RALGPS1: variants seen among roughly 807,000 people sequenced by gnomAD.
RALGPS1 encodes the protein ras-specific guanine nucleotide-releasing factor RalGPS1.
Under a neutral mutation model 78.8 loss-of-function variants are expected in RALGPS1, and 19 were observed. The observed-to-expected ratio is 0.24, with a 90% CI of 0.17 to 0.35. The LOEUF (loss-of-function observed/expected upper bound fraction) is 0.35, where lower values mean the gene tolerates loss of function less well. Among genes scored for constraint, RALGPS1 ranks in the 10% least tolerant of loss-of-function variants. The pLI, the probability that RALGPS1 is intolerant of heterozygous loss-of-function variation, is 1.00. For missense variants in RALGPS1, 454 were observed against 688.3 expected (o/e 0.66, Z 3.81); for synonymous variants, 228 against 256.3 (o/e 0.89, Z 1.06).
intron 8 of RALGPS1, among the ~76,000 whole-genome samples, chr9:127,082,952 G>C (rs1292427960): frequency 6.6e-6 from 1 of 152,132 alleles, no homozygotes; most frequent in African/African-American, 2.4e-5. Context: ...GGCCCATCTG[G>C]GCACAGCCAG....
At position 127,133,645 on chromosome 9, in the gene RALGPS1, C is replaced by T. The variant is rs555325065; in HGVS notation, c.611-32424C>T. On this transcript the variant is annotated intron_variant, in intron 8 of 18. Transcript: ENST00000259351. ...CAGCCCCAGGTTTGGCCCTCCTTCC[C>T]GGCATTGTCAGAGAAGCTTCCAACA... Among the ~76,000 whole-genome samples, 7 of 152,310 alleles carry T rather than the reference C, an allele frequency of 4.6e-5. No individual in the cohort carries two copies. The South Asian group carries it at 6.2e-4, about 14-fold the overall frequency.
At chr9:127,110,335 C>T (rs1319648836) in intron 8 of RALGPS1, among the ~76,000 whole-genome samples, 1 of 152,192 alleles carries the variant, frequency 6.6e-6, no homozygotes, top group African/African-American at 2.4e-5. Context: ...CCTTCCTTTC[C>T]AGAGCGCCAC....
At chr9:126,944,566 A>G (rs1443863871) in intron 1 of RALGPS1, among the ~76,000 whole-genome samples, 2 of 95,668 alleles carry the variant, frequency 2.1e-5, no homozygotes, top group African/African-American at 8.3e-5. Flanking sequence ...AAGGGAGACT[A>G]TGGGGAGGGA....
intron 8 of RALGPS1, among the ~76,000 whole-genome samples, chr9:127,140,814 A>G (rs573111274): frequency 6.6e-5 from 10 of 152,352 alleles, no homozygotes; most frequent in African/African-American, 2.2e-4. Context: ...CCACGCTGGA[A>G]GAGACTTGGG....
rs1588630091 is a variant in RALGPS1, at chr9:127,219,748, C to A, written c.*979C>A. 1 of 152,742 alleles carries A rather than the reference C, an allele frequency of 6.5e-6. No homozygotes were observed. Among genetic ancestry groups the A allele is most frequent in the African/African-American group, 2.4e-5 (1 of 41,472 alleles). The allele number at this position is 152,742 out of a possible 1,614,324, so 9.5% of individuals were successfully genotyped here. ...AGGAGCCATGAGGCACCAACCTCTC[C>A]CCGCAGGGCAAAGCCTGTGCCCCCA... On this transcript the variant is annotated 3_prime_UTR_variant, in exon 19 of 19. Coordinates refer to ENST00000259351, the MANE Select transcript of RALGPS1 (RefSeq NM_014636.3). This position sits in a 1 kb window ranked among gnomAD's most constrained non-coding sequence, Gnocchi z 5.0.
Position 127,223,007 on chromosome 9 carries a change from G to T in RALGPS1, c.*4238G>T, listed in dbSNP as rs558236249. The T allele has an allele frequency of 1.3e-5, 2 of 152,374 alleles. No individual in the cohort carries two copies. The highest frequency in any genetic ancestry group is 2.9e-5 in the Non-Finnish European group (2 of 67,994). 9.4% of individuals were successfully genotyped at this position (152,374 alleles called of 1,614,324 possible). ...CTGAACGTCAATCAGCCCTCCATGGGGTTCTTTCGATTTTTGGTGAAGTAT... is the reference window on the plus strand; with the variant it reads ...CTGAACGTCAATCAGCCCTCCATGGTGTTCTTTCGATTTTTGGTGAAGTAT... On this transcript the variant is annotated 3_prime_UTR_variant, in exon 19 of 19. Transcript: ENST00000259351.
intron 17 of RALGPS1, among the ~76,000 whole-genome samples, chr9:127,214,412 A>G (rs758443640): frequency 2.6e-5 from 4 of 152,224 alleles, no homozygotes; most frequent in Non-Finnish European, 4.4e-5. Context: ...AGAAGCACCT[A>G]TAGAATTATA....
intron 14 of RALGPS1, among the ~76,000 whole-genome samples, chr9:127,206,491 A>G (rs767714141): frequency 5.9e-5 from 9 of 152,066 alleles, no homozygotes. Context: ...AAACCATCAG[A>G]TCTTGTGAGA....
chr9:127,209,342 CTG>C (rs934720919), intron 14 of RALGPS1, among the ~76,000 whole-genome samples: 7 of 152,340 alleles, frequency 4.6e-5, no homozygotes, highest in African/African-American at 1.7e-4. Flanking sequence ...AAGTTGGTGA[CTG>C]TTTGACTTGT....
intron 8 of RALGPS1, among the ~76,000 whole-genome samples, chr9:127,103,353 T>C (rs1225672088): frequency 6.6e-6 from 1 of 152,208 alleles, no homozygotes; most frequent in African/African-American, 2.4e-5. Context: ...GCTAGCACTC[T>C]TGTCAGTGAA....
At chr9:127,196,755 C>CGT (rs2061369628) in intron 13 of RALGPS1, 124 bp downstream of exon 13, 3 of 1,175,644 alleles carry the variant, frequency 2.6e-6, no homozygotes. Flanking sequence ...CCCAGTGGCC[C>CGT]CTCACCTCCC....
intron 8 of RALGPS1, among the ~76,000 whole-genome samples, chr9:127,087,088 G>A (rs1377065462): frequency 2.0e-5 from 3 of 152,190 alleles, no homozygotes; most frequent in African/African-American, 7.2e-5. Flanking sequence ...TGAGGTGCTT[G>A]GAGGATATCT....
chr9:127,133,530 G>T (rs2057163997), intron 8 of RALGPS1, among the ~76,000 whole-genome samples: 1 of 152,174 alleles, frequency 6.6e-6, no homozygotes, highest in African/African-American at 2.4e-5. Context: ...CTGTGGGTGG[G>T]GTGGACCCAG....
chr9:127,027,955 T>TC (rs1054669883), intron 4 of RALGPS1, among the ~76,000 whole-genome samples: 10 of 152,284 alleles, frequency 6.6e-5, no homozygotes, highest in Admixed American at 2.6e-4. Flanking sequence ...AGCATGTAAG[T>TC]CCCCTAGCCC....
intron 11 of RALGPS1, chr9:127,177,930 C>A (rs1488352645): frequency 1.9e-6 from 3 of 1,548,960 alleles, no homozygotes; most frequent in Non-Finnish European, 2.6e-6. Flanking sequence ...AGCCAGCCAA[C>A]CTCCAGCATC....
chr9:127,169,599 T>C, intron 10 of RALGPS1, among the ~76,000 whole-genome samples: 1 of 152,176 alleles, frequency 6.6e-6, no homozygotes, highest in East Asian at 1.9e-4. Flanking sequence ...CATCTTGTAA[T>C]CAATCATTTA....
At chr9:127,210,864 C>T (rs878868478) in intron 14 of RALGPS1, 31 of 1,188,756 alleles carry the variant, frequency 2.6e-5, no homozygotes, top group South Asian at 1.4e-4. Flanking sequence ...TAGAGGCTGC[C>T]GAAAGAAACA....
At chr9:127,108,426 CT>C (rs756498211) in intron 8 of RALGPS1, 12 of 1,608,284 alleles carry the variant, frequency 7.5e-6, no homozygotes, top group Non-Finnish European at 1.0e-5. Context: ...GCGTCTCGAT[CT>C]GCCGCTTCTG....
At chr9:126,965,227 C>T (rs1317424235) in intron 2 of RALGPS1, among the ~76,000 whole-genome samples, 1 of 152,206 alleles carries the variant, frequency 6.6e-6, no homozygotes, top group Non-Finnish European at 1.5e-5. Context: ...CAGTTGGTTA[C>T]CTCTCACCTC....
Sources: allele counts gnomAD v4.1 joint callset (sites outside exome capture counted in the v4.1 genomes callset), GRCh38; gene constraint gnomAD v4.1.1; non-coding constraint Gnocchi (gnomAD v3.1); transcripts MANE v1.5; gene names NCBI Gene and HGNC (gene_info 2026-07-23, HGNC 2026-07-21).